GXYLT2: variants seen among roughly 807,000 people sequenced by gnomAD.
The protein encoded by GXYLT2 is glucoside xylosyltransferase 2.
GXYLT2 carries 53 observed loss-of-function variants against 45.8 expected under a neutral mutation model. The ratio of observed to expected loss-of-function variants is 1.16; its 90% CI spans 0.93 to 1.46. The LOEUF is 1.46. Ranked by LOEUF, GXYLT2 falls within the 40% of genes most tolerant of loss-of-function variation. GXYLT2 has a pLI of 0.00. For synonymous variants in GXYLT2, 219 were observed against 214.2 expected (o/e 1.02, Z -0.19); for missense variants, 551 against 544.4 (o/e 1.01, Z -0.12).
At chr3:72,890,430 C>G (rs1709160676) in intron 1 of GXYLT2, among the ~76,000 whole-genome samples, 1 of 152,180 alleles carries the variant, frequency 6.6e-6, no homozygotes, top group African/African-American at 2.4e-5. Context: ...AAGTAAGCAC[C>G]AATGGTATCC....
chr3:72,958,272 CA>C (rs59128233), intron 5 of GXYLT2, among the ~76,000 whole-genome samples: 53,663 of 127,222 alleles, frequency 0.42, 11,794 homozygotes, highest in Non-Finnish European at 0.56. Context: ...GACTCTGTCT[CA>C]AAAAAAAAAA....
At chr3:72,903,771 G>A (rs993877257) in intron 1 of GXYLT2, among the ~76,000 whole-genome samples, 1 of 152,164 alleles carries the variant, frequency 6.6e-6, no homozygotes, top group African/African-American at 2.4e-5. Context: ...GATAAATCAG[G>A]TGAATATGAG....
intron 2 of GXYLT2, among the ~76,000 whole-genome samples, chr3:72,912,013 A>ATATTTT (rs1156864738): frequency 6.6e-4 from 76 of 114,884 alleles, no homozygotes; most frequent in African/African-American, 1.4e-3. Context: ...ATATATATAT[A>ATATTTT]TTTTTTTTTT....
chr3:72,890,943 A>G (rs1709171621), intron 1 of GXYLT2, among the ~76,000 whole-genome samples: 1 of 152,196 alleles, frequency 6.6e-6, no homozygotes, highest in Admixed American at 6.5e-5. Flanking sequence ...ATGCATAAAC[A>G]GTTGACATTT....
At chr3:72,925,574 T>G (rs947766401) in intron 3 of GXYLT2, among the ~76,000 whole-genome samples, 1 of 152,152 alleles carries the variant, frequency 6.6e-6, no homozygotes, top group Non-Finnish European at 1.5e-5. Context: ...AAAAACTGAT[T>G]ACTCTTTGAG....
chr3:72,936,363 A>C lies in GXYLT2; in HGVS notation c.600+14028A>C, dbSNP rs181608014. On this transcript the variant is annotated intron_variant, in intron 3 of 6. Transcript: ENST00000389617. ...AGTCGTGGAAGAAACTTTAATAAAC[A>C]TAGAAAACTGGCCAGCACAGTGGCT... is the stretch of plus-strand genomic sequence containing the variant. 2.0e-5 allele frequency among the ~76,000 whole-genome samples: 3 copies of C among 151,768 alleles called. No individual in the cohort carries two copies. The South Asian group carries it at 6.2e-4, about 32-fold the overall frequency.
chr3:72,969,329 G>A (rs931338201), intron 6 of GXYLT2, among the ~76,000 whole-genome samples: 7 of 151,086 alleles, frequency 4.6e-5, no homozygotes, highest in Non-Finnish European at 8.8e-5. Context: ...GGAGTTCAAG[G>A]CTGCAGTGAG....
At chr3:72,951,405 T>G (rs1425471018) in intron 3 of GXYLT2, among the ~76,000 whole-genome samples, 1 of 152,130 alleles carries the variant, frequency 6.6e-6, no homozygotes, top group Non-Finnish European at 1.5e-5. Context: ...CTTGACATTT[T>G]AAAAGCGAAA....
chr3:72,951,828 G>GT (rs1170194414), intron 3 of GXYLT2, among the ~76,000 whole-genome samples: 7 of 151,374 alleles, frequency 4.6e-5, no homozygotes, highest in African/African-American at 1.5e-4. Flanking sequence ...TTATTTTTTT[G>GT]TTTTTTTGTT....
At chr3:72,929,543 G>A (rs1709984934) in intron 3 of GXYLT2, 4 of 1,180,416 alleles carry the variant, frequency 3.4e-6, no homozygotes, top group Non-Finnish European at 3.8e-6. Flanking sequence ...AATCTGGCTC[G>A]GCAGAATATC....
intron 3 of GXYLT2, among the ~76,000 whole-genome samples, chr3:72,944,853 A>C (rs1710374218): frequency 6.6e-6 from 1 of 152,068 alleles, no homozygotes; most frequent in South Asian, 2.1e-4. Flanking sequence ...AAGGAAGTGG[A>C]ATGATGTGCG....
intron 1 of GXYLT2, among the ~76,000 whole-genome samples, chr3:72,895,806 A>AT (rs1372555108): frequency 6.6e-6 from 1 of 152,208 alleles, no homozygotes; most frequent in Non-Finnish European, 1.5e-5. Context: ...GGAGTTGCTG[A>AT]TTTTGTGCCA....
At chr3:72,962,598 A>C (rs1242047004) in intron 5 of GXYLT2, among the ~76,000 whole-genome samples, 3 of 152,242 alleles carry the variant, frequency 2.0e-5, no homozygotes, top group African/African-American at 7.2e-5. Context: ...TCATTCATTC[A>C]GCACTAGTTT....
chr3:72,912,464 G>A lies in GXYLT2; in HGVS notation c.468+3905G>A, dbSNP rs149881565. Among the ~76,000 whole-genome samples, 193 of 152,088 alleles carry A rather than the reference G, an allele frequency of 1.3e-3. 3 individuals carry two copies. In the East Asian group the frequency reaches 0.027, roughly 21 times the overall value. On this transcript the variant is annotated intron_variant, in intron 2 of 6. Coordinates refer to ENST00000389617, the MANE Select transcript of GXYLT2 (RefSeq NM_001080393.2). ...ATGCCTTGCCTGTTTGTGATTGTAC[G>A]TTACTAAGTTTTGAGGTAATTGGTT...
chr3:72,900,378 G>A lies in GXYLT2; in HGVS notation c.276-7989G>A, dbSNP rs561945258. ...CTTGAGCCAGGACAACTAGGGCAAC[G>A]TTTTACAAACTTCACTCATTCCCAC... On this transcript the variant is annotated intron_variant, in intron 1 of 6. Coordinates refer to ENST00000389617, the MANE Select transcript of GXYLT2 (RefSeq NM_001080393.2). 1.4e-4 allele frequency among the ~76,000 whole-genome samples: 21 copies of A among 152,010 alleles called. No individual in the cohort carries two copies. In the East Asian group the frequency reaches 2.5e-3, roughly 18 times the overall value.
At chr3:72,914,075 G>GT (rs948931122) in intron 2 of GXYLT2, among the ~76,000 whole-genome samples, 4 of 151,758 alleles carry the variant, frequency 2.6e-5, no homozygotes, top group East Asian at 1.9e-4. Flanking sequence ...GCAACCCAGG[G>GT]TTTTTTTTGG....
intron 3 of GXYLT2, among the ~76,000 whole-genome samples, chr3:72,932,009 T>G (rs1710046566): frequency 6.6e-6 from 1 of 151,742 alleles, no homozygotes; most frequent in African/African-American, 2.4e-5. Flanking sequence ...TAATTGTATT[T>G]CAATCAATTA....
intron 3 of GXYLT2, among the ~76,000 whole-genome samples, chr3:72,942,645 C>G (rs1710322172): frequency 6.6e-6 from 1 of 152,026 alleles, no homozygotes. Context: ...CTCTGTTCTT[C>G]CCAATAAAGC....
chr3:72,967,088 T>A (rs1408869063), intron 5 of GXYLT2, among the ~76,000 whole-genome samples: 1 of 152,224 alleles, frequency 6.6e-6, no homozygotes, highest in Non-Finnish European at 1.5e-5. Context: ...CTAACATTAT[T>A]GAACCACTAC....
Sources: allele counts gnomAD v4.1 joint callset (sites outside exome capture counted in the v4.1 genomes callset), GRCh38; gene constraint gnomAD v4.1.1; transcripts MANE v1.5; gene names NCBI Gene and HGNC (gene_info 2026-07-23, HGNC 2026-07-21).